RIMKLB: variants seen among roughly 807,000 people sequenced by gnomAD.
RIMKLB encodes ribosomal modification protein rimK like family member B.
A neutral mutation model predicts 32.0 loss-of-function variants in RIMKLB; 7 were observed. The observed-to-expected ratio is 0.22, with a 90% CI of 0.12 to 0.41. RIMKLB has a LOEUF of 0.41. RIMKLB is among the 10% of genes least tolerant of loss of function. RIMKLB has a pLI of 1.00. For missense variants in RIMKLB, 289 were observed against 498.7 expected (o/e 0.58, Z 4.00); for synonymous variants, 172 against 185.1 (o/e 0.93, Z 0.57).
upstream of RIMKLB, among the ~76,000 whole-genome samples, chr12:8,680,218 C>T (rs922901754): frequency 3.3e-5 from 5 of 152,218 alleles, no homozygotes; most frequent in African/African-American, 9.6e-5. Context: ...CGCAGTGGCG[C>T]GATCTCGGCT....
intron 1 of RIMKLB, among the ~76,000 whole-genome samples, chr12:8,709,630 G>A (rs1452036477): frequency 1.3e-5 from 2 of 152,114 alleles, no homozygotes; most frequent in Non-Finnish European, 2.9e-5. Flanking sequence ...AAGGCTAGCC[G>A]CATGTCCTCC....
chr12:8,689,509 C>G (rs1942672068), intron 1 of RIMKLB, among the ~76,000 whole-genome samples: 1 of 152,252 alleles, frequency 6.6e-6, no homozygotes, highest in African/African-American at 2.4e-5. Context: ...CTACTTTGCT[C>G]TATTCATTAA....
intron 2 of RIMKLB, among the ~76,000 whole-genome samples, chr12:8,741,063 T>A (rs1467787422): frequency 1.3e-5 from 2 of 151,986 alleles, no homozygotes; most frequent in Non-Finnish European, 2.9e-5. Flanking sequence ...AAAAATTAGC[T>A]GGGTGTGGTA....
intron 1 of RIMKLB, among the ~76,000 whole-genome samples, chr12:8,689,339 A>G (rs1290616447): frequency 6.6e-6 from 1 of 152,276 alleles, no homozygotes; most frequent in Non-Finnish European, 1.5e-5. Flanking sequence ...GGCTGAAAAG[A>G]GACGTCCTCG....
At chr12:8,712,962 G>A (rs1049178721) in intron 1 of RIMKLB, among the ~76,000 whole-genome samples, 2 of 152,022 alleles carry the variant, frequency 1.3e-5, no homozygotes, top group African/African-American at 4.8e-5. Context: ...TCTGAAACTT[G>A]TAACTTTTTT....
intron 2 of RIMKLB, among the ~76,000 whole-genome samples, chr12:8,719,358 T>C (rs994873340): frequency 6.6e-6 from 1 of 152,044 alleles, no homozygotes; most frequent in African/African-American, 2.4e-5. Context: ...TTAAGCTGGG[T>C]TTTTTTGTTT....
downstream of RIMKLB, chr12:8,779,544 G>A (rs761935557): frequency 6.6e-6 from 1 of 152,350 alleles, no homozygotes; most frequent in South Asian, 2.1e-4. Context: ...TAGAAGCAAT[G>A]TCACTTCAGT....
At chr12:8,733,748 T>C (rs1463215719) in intron 2 of RIMKLB, among the ~76,000 whole-genome samples, 1 of 152,146 alleles carries the variant, frequency 6.6e-6, no homozygotes, top group Admixed American at 6.6e-5. Flanking sequence ...CCGGACGTGA[T>C]GGTGCACACC....
At chr12:8,701,972 C>G (rs1943444579) in intron 1 of RIMKLB, among the ~76,000 whole-genome samples, 1 of 149,806 alleles carries the variant, frequency 6.7e-6, no homozygotes, top group South Asian at 2.1e-4. Flanking sequence ...TACCACTGCA[C>G]TCAAGTCTGG....
Position 8,746,324 on chromosome 12 carries a change from G to C in RIMKLB, c.176-3538G>C, listed in dbSNP as rs746254681. On this transcript the variant is annotated intron_variant, in intron 2 of 5. Coordinates refer to ENST00000535829, the MANE Select transcript of RIMKLB (RefSeq NM_001297776.2). ...TAACGCCTAAGAAATGATATCAAGG[G>C]CCGGGAGCTCATGCCTGTAATCCCA... Among the ~76,000 whole-genome samples, 5 of 151,614 alleles carry C rather than the reference G, an allele frequency of 3.3e-5. No individual in the cohort carries two copies. In the South Asian group the frequency reaches 1.0e-3, roughly 31 times the overall value.
At chr12:8,737,490 C>A (rs1266968143) in intron 2 of RIMKLB, among the ~76,000 whole-genome samples, 1 of 152,104 alleles carries the variant, frequency 6.6e-6, no homozygotes, top group Non-Finnish European at 1.5e-5. Context: ...TCCAAGTTTC[C>A]TTACTATATA....
chr12:8,676,117 G>C, the RIMKLB span, among the ~76,000 whole-genome samples: 3 of 152,122 alleles, frequency 2.0e-5, no homozygotes, highest in African/African-American at 4.8e-5. Context: ...TTGTCACCCA[G>C]GCTGGAGTGC....
In RIMKLB at chr12:8,747,179, C is replaced by T. The variant is rs778391952; in HGVS notation, c.176-2683C>T. ...GGCATGGACTATCAGCAGGCAATAT[C>T]CAGCACAGACTCTCAGTTCTCCTAA... On this transcript the variant is annotated intron_variant, in intron 2 of 5. Coordinates refer to ENST00000535829, the MANE Select transcript of RIMKLB (RefSeq NM_001297776.2). Among the ~76,000 whole-genome samples, 3 of 152,244 alleles carry T rather than the reference C, an allele frequency of 2.0e-5. No individual in the cohort carries two copies. The South Asian group carries it at 6.2e-4, about 32-fold the overall frequency.
intron 5 of RIMKLB, among the ~76,000 whole-genome samples, chr12:8,763,049 C>G (rs1949664256): frequency 6.6e-6 from 1 of 152,234 alleles, no homozygotes; most frequent in Non-Finnish European, 1.5e-5. Flanking sequence ...CTGACAGCCA[C>G]AAGTCTCTTT....
upstream of RIMKLB, among the ~76,000 whole-genome samples, chr12:8,694,062 G>A (rs1942811839): frequency 1.3e-5 from 2 of 151,936 alleles, no homozygotes; most frequent in Admixed American, 6.6e-5. Flanking sequence ...GGCCAACATG[G>A]TGAAACCCCA....
chr12:8,777,365 A>C (rs1419528972), downstream of RIMKLB: 42 of 984,636 alleles, frequency 4.3e-5, no homozygotes, highest in Non-Finnish European at 4.7e-5. Context: ...TTCCAGGTTT[A>C]ATTTGAAATG....
intron 5 of RIMKLB, among the ~76,000 whole-genome samples, chr12:8,767,237 C>T (rs1454318723): frequency 6.6e-6 from 1 of 152,210 alleles, no homozygotes; most frequent in Non-Finnish European, 1.5e-5. Flanking sequence ...CTTTGGCCCC[C>T]TTTGTCTCTC....
rs774033838 is a variant in RIMKLB at position 8,754,089 on chromosome 12, A to G, written c.693A>G (p.Ser231=). 7.5e-6 allele frequency: 12 copies of G among 1,609,410 alleles called. No individual in the cohort carries two copies. The South Asian group carries it at 7.7e-5, about 10-fold the overall frequency. Residue 231 remains serine (S), a synonymous_variant, in exon 5 of 6, where the codon TCA becomes TCG. Transcript: ENST00000535829. ...STDGRMQSNC[S]LGGVGMMCSL... is the part of the protein sequence containing the mutation. ...ATGGGAGAATGCAAAGCAACTGCTC[A>G]TTAGGTAAAAATAATGCAATTATCT... is the stretch of plus-strand genomic sequence containing the variant.
chr12:8,698,790 C>T (rs1286836766), intron 1 of RIMKLB, among the ~76,000 whole-genome samples: 1 of 152,064 alleles, frequency 6.6e-6, no homozygotes, highest in Non-Finnish European at 1.5e-5. Flanking sequence ...TATTCGATTC[C>T]ACGTTTTCCT....
Sources: allele counts gnomAD v4.1 joint callset (sites outside exome capture counted in the v4.1 genomes callset), GRCh38; gene constraint gnomAD v4.1.1; transcripts MANE v1.5; gene names NCBI Gene and HGNC (gene_info 2026-07-23, HGNC 2026-07-21).